SOX5: variants seen among roughly 807,000 people sequenced by gnomAD.
SOX5 encodes SRY-box transcription factor 5.
SOX5 carries 9 observed loss-of-function variants against 92.0 expected under a neutral mutation model. The observed-to-expected ratio is 0.10, with a 90% CI of 0.06 to 0.17. SOX5 has a LOEUF of 0.17. Ranked by LOEUF, SOX5 falls within the 10% of genes least tolerant of loss-of-function variation. The probability of loss-of-function intolerance (pLI) is 1.00; values close to 1 mark genes in which losing one functional copy is unlikely to be tolerated. For missense variants in SOX5, 642 were observed against 944.5 expected (o/e 0.68, Z 4.20); for synonymous variants, 344 against 336.3 (o/e 1.02, Z -0.25).
At chr12:23,951,009 T>G (rs907346134), upstream of SOX5, 8 of 699,946 alleles carry the variant, frequency 1.1e-5, no homozygotes, top group African/African-American at 5.3e-5. Context: ...ACACACTCAC[T>G]CACGCACGCT....
intron 4 of SOX5, among the ~76,000 whole-genome samples, chr12:23,745,243 C>G (rs1197385818): frequency 6.6e-6 from 1 of 152,124 alleles, no homozygotes; most frequent in South Asian, 2.1e-4. Flanking sequence ...ATCCTGCCTT[C>G]TCTATCTTCA....
chr12:24,005,129 A>G (rs1952019818), intron 4 of SOX5, among the ~76,000 whole-genome samples: 1 of 151,974 alleles, frequency 6.6e-6, no homozygotes, highest in African/African-American at 2.4e-5. Flanking sequence ...GGATGATGGA[A>G]ATGTTCTAAA....
intron 3 of SOX5, among the ~76,000 whole-genome samples, chr12:23,757,162 C>T (rs1379541474): frequency 1.3e-5 from 2 of 151,748 alleles, no homozygotes; most frequent in Non-Finnish European, 2.9e-5. Flanking sequence ...TATGTATATG[C>T]CCTTACAACA....
intron 4 of SOX5, among the ~76,000 whole-genome samples, chr12:24,175,281 T>C (rs1249444863): frequency 1.3e-5 from 2 of 152,196 alleles, no homozygotes; most frequent in Non-Finnish European, 2.9e-5. Flanking sequence ...ACTATAAGGA[T>C]TGTGTAATAT....
At chr12:23,812,423 T>G (rs1360337865) in intron 3 of SOX5, among the ~76,000 whole-genome samples, 1 of 152,150 alleles carries the variant, frequency 6.6e-6, no homozygotes, top group Admixed American at 6.6e-5. Flanking sequence ...TTTGTTCTTC[T>G]TGGTAATATC....
chr12:24,471,941 A>G (rs1369129698), intron 1 of SOX5, among the ~76,000 whole-genome samples: 1 of 152,130 alleles, frequency 6.6e-6, no homozygotes. Flanking sequence ...TTTGTTCATT[A>G]ATTTTTAAAA....
Position 24,118,018 on chromosome 12 carries a change from CAAAAAAAAAAAAA to C in SOX5, c.-2+95312_-2+95324del, listed in dbSNP as rs964710930. On this transcript the variant is annotated intron_variant, in intron 4 of 4. Coordinates refer to the SOX5 transcript ENST00000446891. ...TGGGGAACAGAGCGAGACTCTCATT[CAAAAAAAAAAAAA>C]AAAAAAAGAAAAAAAAAATCTGTCT... Among the ~76,000 whole-genome samples, 13 of 41,824 alleles carry C rather than the reference CAAAAAAAAAAAAA, an allele frequency of 3.1e-4. No homozygotes were observed. The East Asian group carries it at 5.7e-3, about 18-fold the overall frequency. 27.4% of individuals were successfully genotyped at this position (41,824 alleles called of 152,430 possible).
At chr12:24,058,490 C>T (rs1939027256) in intron 4 of SOX5, among the ~76,000 whole-genome samples, 2 of 152,146 alleles carry the variant, frequency 1.3e-5, no homozygotes, top group South Asian at 4.1e-4. Context: ...TAGGATGCCC[C>T]ACTTGTTTTT....
At chr12:24,305,322 A>G (rs138343099) in intron 2 of SOX5, among the ~76,000 whole-genome samples, 2 of 152,332 alleles carry the variant, frequency 1.3e-5, no homozygotes, top group Non-Finnish European at 2.9e-5. Flanking sequence ...AGAGATGTCA[A>G]TCCTTAGAAC....
At chr12:23,901,557 A>G (rs1178996714) in intron 1 of SOX5, among the ~76,000 whole-genome samples, 1 of 152,022 alleles carries the variant, frequency 6.6e-6, no homozygotes, top group Non-Finnish European at 1.5e-5. Context: ...CTCAAACGTT[A>G]TTTCCTCAGT....
chr12:24,359,328 G>A (rs1955235328), intron 2 of SOX5, among the ~76,000 whole-genome samples: 1 of 152,188 alleles, frequency 6.6e-6, no homozygotes, highest in Admixed American at 6.5e-5. Flanking sequence ...AGTTAAGGCT[G>A]GGTGAGGGCC....
At chr12:24,366,098 C>T (rs567958535) in intron 2 of SOX5, among the ~76,000 whole-genome samples, 1 of 152,164 alleles carries the variant, frequency 6.6e-6, no homozygotes, top group African/African-American at 2.4e-5. Context: ...TGTCACTATT[C>T]GAATTTCTTA....
Position 24,427,112 on chromosome 12 carries a change from C to T in SOX5, c.-250-58473G>A, listed in dbSNP as rs73283495. 5.6e-3 allele frequency among the ~76,000 whole-genome samples: 860 copies of T among 152,230 alleles called. 7 individuals carry two copies. Among genetic ancestry groups the T allele is most frequent in the African/African-American group, 0.02 (830 of 41,532 alleles). On this transcript the variant is annotated intron_variant, in intron 1 of 4. Coordinates refer to the SOX5 transcript ENST00000446891. ...TCTTAATATCCACAGTACCTATTAGCGATATACCTGAAACAGGTGTTTTAT... is the reference window on the plus strand; with the variant it reads ...TCTTAATATCCACAGTACCTATTAGTGATATACCTGAAACAGGTGTTTTAT...
intron 3 of SOX5, among the ~76,000 whole-genome samples, chr12:23,799,425 T>A (rs1449280329): frequency 1.3e-5 from 2 of 152,068 alleles, no homozygotes; most frequent in African/African-American, 4.8e-5. Flanking sequence ...AGCCAAATCA[T>A]TCTAAGATGC....
chr12:24,122,129 T>C (rs1948692301), intron 4 of SOX5, among the ~76,000 whole-genome samples: 1 of 152,146 alleles, frequency 6.6e-6, no homozygotes, highest in Non-Finnish European at 1.5e-5. Flanking sequence ...CAAAAATTCT[T>C]GCACCCAGAT....
At chr12:23,979,065 T>C (rs1949225252) in intron 4 of SOX5, among the ~76,000 whole-genome samples, 1 of 152,194 alleles carries the variant, frequency 6.6e-6, no homozygotes, top group Non-Finnish European at 1.5e-5. Flanking sequence ...ATAGTAAACC[T>C]TTTCTTCACC....
chr12:23,930,663 C>G (rs114863505), intron 1 of SOX5, among the ~76,000 whole-genome samples: 51 of 151,698 alleles, frequency 3.4e-4, no homozygotes, highest in African/African-American at 1.1e-3. Context: ...CTCAAAACAA[C>G]CCTGTGAGGC....
intron 4 of SOX5, among the ~76,000 whole-genome samples, chr12:24,168,477 T>C (rs185606835): frequency 4.5e-4 from 68 of 152,332 alleles, no homozygotes; most frequent in African/African-American, 1.5e-3. Flanking sequence ...TGTATTTCAA[T>C]AGAGATACTA....
At chr12:24,303,394 C>T (rs1365861810) in intron 2 of SOX5, among the ~76,000 whole-genome samples, 1 of 152,024 alleles carries the variant, frequency 6.6e-6, no homozygotes, top group East Asian at 1.9e-4. Flanking sequence ...TTTATTTGAC[C>T]ACTGAAAAAT....
Sources: gnomAD v4.1 joint callset for allele counts (sites outside exome capture counted in the v4.1 genomes callset) on GRCh38, gnomAD v4.1.1 for gene constraint, MANE v1.5 for transcripts, NCBI Gene and HGNC (gene_info 2026-07-23, HGNC 2026-07-21) for gene names.